Variants in DEFB121 observed in about 807,000 individuals in gnomAD.
DEFB121 encodes the protein defensin beta 121.
DEFB121 carries 5 observed loss-of-function variants against 2.5 expected under a neutral mutation model. The ratio of observed to expected loss-of-function variants is 1.96; its 90% CI spans 1.03 to 4.13. The LOEUF (loss-of-function observed/expected upper bound fraction) is 4.13. Among genes scored for constraint, DEFB121 ranks in the 30% most tolerant of loss-of-function variants. DEFB121 has a pLI of 0.00. For synonymous variants in DEFB121, 39 were observed against 32.6 expected, an observed-to-expected ratio of 1.20 and a Z score of -0.67; for missense variants, 87 against 85.0, an observed-to-expected ratio of 1.02 and a Z score of -0.09.
chr20:31,406,591 TTATAATACCAA>T (rs1262815939), upstream of DEFB121, among the ~76,000 whole-genome samples: 2 of 152,114 alleles, frequency 1.3e-5, no homozygotes, highest in African/African-American at 2.4e-5. Flanking sequence ...TGATGATTCA[TTATAATACCAA>T]ATGAAGGGCA....
chr20:31,418,372 C>A, the DEFB121 span, among the ~76,000 whole-genome samples: 1 of 148,390 alleles, frequency 6.7e-6, no homozygotes, highest in African/African-American at 2.5e-5. Context: ...AGAGAAATAA[C>A]AAGTCACAGA....
exon 1 of DEFB121, chr20:31,412,837 C>A (rs1380747676): frequency 2.5e-6 from 1 of 393,788 alleles, no homozygotes; most frequent in East Asian, 7.2e-5. Context: ...TCAAGGACAG[C>A]TCTCCTTTGT....
chr20:31,411,921 G>T (rs530546386), intron 1 of DEFB121, among the ~76,000 whole-genome samples: 5 of 152,344 alleles, frequency 3.3e-5, no homozygotes, highest in Middle Eastern at 3.4e-3. Flanking sequence ...CTTAGTAGAA[G>T]ATAGGGTGGT....
chr20:31,406,021 G>C (rs562826540), intron 1 of DEFB121, 74 bp downstream of exon 1: 4 of 1,540,182 alleles, frequency 2.6e-6, no homozygotes, highest in African/African-American at 1.4e-5. Flanking sequence ...AGCCCAACCT[G>C]TCAGAGTCCC....
chr20:31,405,775 G>A (rs1978456504), intron 1 of DEFB121, among the ~76,000 whole-genome samples: 1 of 152,142 alleles, frequency 6.6e-6, no homozygotes, highest in African/African-American at 2.4e-5. Flanking sequence ...TCCTTTCAAT[G>A]AATGTTTTTG....
chr20:31,416,950 T>G (rs912442967), upstream of DEFB121, among the ~76,000 whole-genome samples: 1 of 152,176 alleles, frequency 6.6e-6, no homozygotes, highest in Non-Finnish European at 1.5e-5. Context: ...TCCTCTCCCT[T>G]TCTTAAAGCA....
chr20:31,407,271 T>C (rs939834886), upstream of DEFB121, among the ~76,000 whole-genome samples: 28 of 152,000 alleles, frequency 1.8e-4, no homozygotes, highest in African/African-American at 6.8e-4. Flanking sequence ...AAAGAAATGG[T>C]AGATTGTAAT....
chr20:31,412,210 G>A (rs1337696403), intron 1 of DEFB121, among the ~76,000 whole-genome samples: 1 of 152,228 alleles, frequency 6.6e-6, no homozygotes, highest in African/African-American at 2.4e-5. Flanking sequence ...ATAAGGCTTG[G>A]AAATTTTCTG....
intron 1 of DEFB121, chr20:31,412,524 TA>T (rs954211750): frequency 2.3e-6 from 2 of 877,264 alleles, no homozygotes; most frequent in Non-Finnish European, 3.2e-6. Flanking sequence ...CTGTGAAGAT[TA>T]AATTAGGTGA....
At chr20:31,407,106 C>T (rs570887378), upstream of DEFB121, among the ~76,000 whole-genome samples, 271 of 151,838 alleles carry the variant, frequency 1.8e-3, 1 homozygote, top group East Asian at 1.2e-3. Flanking sequence ...AAAAATTAGC[C>T]GGGCGTGGTG....
At chr20:31,413,711 C>T (rs563349482), upstream of DEFB121, among the ~76,000 whole-genome samples, 42 of 152,232 alleles carry the variant, frequency 2.8e-4, no homozygotes, top group South Asian at 1.7e-3. Context: ...CCACTGGCTA[C>T]GACAGTGACA....
At chr20:31,405,838 C>T (rs983586472) in intron 1 of DEFB121, among the ~76,000 whole-genome samples, 2 of 152,226 alleles carry the variant, frequency 1.3e-5, no homozygotes, top group African/African-American at 4.8e-5. Context: ...TCTTTACACC[C>T]TATCCCATCC....
chr20:31,418,246 C>T, the DEFB121 span, among the ~76,000 whole-genome samples: 4 of 115,718 alleles, frequency 3.5e-5, no homozygotes, highest in African/African-American at 9.6e-5. Context: ...GGCGACAGAG[C>T]GAGACTCCGT....
At chr20:31,413,700 TC>T (rs10712827), upstream of DEFB121, among the ~76,000 whole-genome samples, 101,112 of 151,910 alleles carry the variant, frequency 0.67, 34,254 homozygotes, top group East Asian at 0.74. Context: ...ACCTCATAAC[TC>T]CACTGGCTAC....
At chr20:31,415,403 C>T (rs6120178), upstream of DEFB121, among the ~76,000 whole-genome samples, 11,018 of 152,082 alleles carry the variant, frequency 0.072, 1,325 homozygotes, top group African/African-American at 0.25. Flanking sequence ...GCACCAGCCA[C>T]CATGCCTGGC....
upstream of DEFB121, among the ~76,000 whole-genome samples, chr20:31,408,253 C>T (rs1978549455): frequency 6.6e-6 from 1 of 152,074 alleles, no homozygotes; most frequent in Non-Finnish European, 1.5e-5. Context: ...AAACCAGCCT[C>T]AGCAACATAA....
At chr20:31,408,692 T>A (rs989601250), upstream of DEFB121, among the ~76,000 whole-genome samples, 1 of 152,128 alleles carries the variant, frequency 6.6e-6, no homozygotes, top group African/African-American at 2.4e-5. Flanking sequence ...TTTGTATAAT[T>A]TTCACATCTC....
At chr20:31,407,196 G>A (rs564041400), upstream of DEFB121, among the ~76,000 whole-genome samples, 125 of 152,060 alleles carry the variant, frequency 8.2e-4, no homozygotes, top group African/African-American at 2.8e-3. Flanking sequence ...GTTGCAGTGA[G>A]CCGAGATTGT....
intron 1 of DEFB121, among the ~76,000 whole-genome samples, 181 bp from the exon 2 acceptor site, chr20:31,405,266 T>C (rs1978439615): frequency 6.6e-6 from 1 of 152,214 alleles, no homozygotes; most frequent in East Asian, 1.9e-4. Flanking sequence ...GCTTTCTTCC[T>C]TCACTTGTGC....
Sources: gnomAD v4.1 joint callset for allele counts (sites outside exome capture counted in the v4.1 genomes callset) on GRCh38, gnomAD v4.1.1 for gene constraint, MANE v1.5 for transcripts, NCBI Gene and HGNC (gene_info 2026-07-23, HGNC 2026-07-21) for gene names.